The following IL34 variants were observed in gnomAD, a reference collection of about 807,000 sequenced individuals.
IL34 encodes interleukin 34.
A neutral mutation model predicts 25.3 loss-of-function variants in IL34; 17 were observed. That is an observed-to-expected ratio of 0.67 (90% CI 0.46 to 1.01). The LOEUF (loss-of-function observed/expected upper bound fraction) is 1.01. IL34 is among the 50% of genes least tolerant of loss of function. The probability of loss-of-function intolerance (pLI) is 0.00; values close to 1 mark genes in which losing one functional copy is unlikely to be tolerated. For missense variants in IL34, 368 were observed against 312.9 expected (o/e 1.18, Z -1.33); for synonymous variants, 174 against 140.9 (o/e 1.23, Z -1.66).
intron 1 of IL34, among the ~76,000 whole-genome samples, chr16:70,612,272 T>C (rs1286540413): frequency 6.7e-6 from 1 of 149,968 alleles, no homozygotes; most frequent in Non-Finnish European, 1.5e-5. Flanking sequence ...TAGCAAGTTA[T>C]TGGCAGAGCC....
At chr16:70,651,658 A>G (rs1034136060) in intron 1 of IL34, among the ~76,000 whole-genome samples, 7 of 152,060 alleles carry the variant, frequency 4.6e-5, no homozygotes, top group African/African-American at 1.7e-4. Flanking sequence ...CTGCAAGGAC[A>G]AAGTCTTCCA....
chr16:70,631,537 G>A (rs2051517920), intron 1 of IL34, among the ~76,000 whole-genome samples: 1 of 152,052 alleles, frequency 6.6e-6, no homozygotes, highest in Non-Finnish European at 1.5e-5. Context: ...ACTCAGCTTT[G>A]TTTATATAAT....
chr16:70,659,478 A>T, intron 4 of IL34, 140 bp from the exon 5 acceptor site: 1 of 1,076,096 alleles, frequency 9.3e-7, no homozygotes, highest in South Asian at 1.9e-5. Flanking sequence ...GGTGAGAAAT[A>T]GCTATCCAGG....
chr16:70,621,711 T>C (rs2051286619), intron 1 of IL34, among the ~76,000 whole-genome samples: 1 of 151,410 alleles, frequency 6.6e-6, no homozygotes, highest in African/African-American at 2.4e-5. Context: ...GAAAAGAGAG[T>C]CAGTGAAGGG....
At chr16:70,657,486 T>C (rs2052262363) in intron 4 of IL34, 1 of 200,792 alleles carries the variant, frequency 5.0e-6, no homozygotes, top group African/African-American at 2.3e-5. Context: ...GCACAGGGAA[T>C]GTTTAGGGCA....
At chr16:70,593,768 C>T (rs1405909773) in intron 1 of IL34, among the ~76,000 whole-genome samples, 3 of 152,122 alleles carry the variant, frequency 2.0e-5, no homozygotes, top group African/African-American at 7.2e-5. Context: ...CTCAAGCAAT[C>T]CTCCTGCTTT....
chr16:70,646,592 A>C lies in IL34; in HGVS notation c.-356A>C. ...CAGCTGCAGTCGGAGAAATCAGAGA[A>C]AGCGTCACCCAGCCCCAGATTCCGA... On this transcript the variant is annotated 5_prime_UTR_variant, in exon 1 of 6. Coordinates refer to ENST00000288098, the MANE Select transcript of IL34 (RefSeq NM_001393494.1). The C allele has an allele frequency of 3.1e-6, 1 of 320,856 alleles. No homozygotes were observed. The highest frequency in any genetic ancestry group is 5.7e-6 in the Non-Finnish European group (1 of 176,758). The allele number at this position is 320,856 out of a possible 1,614,324, so 19.9% of individuals were successfully genotyped here. A position where few individuals can be genotyped will look rare whatever the true frequency, so the allele number is the denominator to read the frequency against.
At chr16:70,610,385 C>G (rs1280260605) in intron 1 of IL34, among the ~76,000 whole-genome samples, 2 of 152,116 alleles carry the variant, frequency 1.3e-5, no homozygotes, top group African/African-American at 4.8e-5. Flanking sequence ...TGACCCAGTT[C>G]TCCTTCTCTG....
rs550608624 is a variant in IL34, at chr16:70,660,127, G to T, written c.669G>T (p.Pro223=). The change falls in exon 6 of 6, where the codon CCG becomes CCT. Residue 223 remains proline (P), a synonymous_variant. Coordinates refer to ENST00000288098, the MANE Select transcript of IL34 (RefSeq NM_001393494.1). ...CGCCCCCGTGGTCCCCCAGCTCCCCGCCTCACTCCACGGGCTCGGTGAGGC... is the reference window on the plus strand; with the variant it reads ...CGCCCCCGTGGTCCCCCAGCTCCCCTCCTCACTCCACGGGCTCGGTGAGGC... ...YPPPPWSPSS[P]PHSTGSVRPV... is the part of the protein sequence containing the mutation. The T allele has an allele frequency of 1.9e-6, 3 of 1,612,418 alleles. No homozygotes were observed. The highest frequency in any genetic ancestry group is 1.7e-5 in the Admixed American group (1 of 59,776).
Position 70,657,012 on chromosome 16 carries a change from G to T in IL34, c.293G>T (p.Ser98Ile). 6.2e-7 allele frequency: 1 copy of T among 1,612,440 alleles called. No individual in the cohort carries two copies. Among genetic ancestry groups the T allele is most frequent in the South Asian group, 1.1e-5 (1 of 90,988 alleles). The part of the protein sequence containing the change: ...RELRYLWVLV[S>I]LSATESVQDV... ...CTGCGGTATCTGTGGGTCTTGGTGA[G>T]CCTCAGTGCCACTGAGTCGGTGCAG... is the stretch of plus-strand genomic sequence containing the variant. The change falls in exon 4 of 6, where the codon AGC becomes ATC. Residue 98 changes from serine to isoleucine, a missense_variant. Transcript: ENST00000288098.
intron 1 of IL34, among the ~76,000 whole-genome samples, chr16:70,637,113 G>A (rs981900784): frequency 2.0e-5 from 3 of 152,064 alleles, no homozygotes; most frequent in Admixed American, 6.5e-5. Context: ...GCCTGCCTCG[G>A]CCTCTCAAAG....
chr16:70,620,873 AAC>A (rs1006159420), intron 1 of IL34, among the ~76,000 whole-genome samples: 1 of 152,004 alleles, frequency 6.6e-6, no homozygotes, highest in African/African-American at 2.4e-5. Context: ...AGTTTTTGAG[AAC>A]ACAGGCTAAG....
intron 1 of IL34, among the ~76,000 whole-genome samples, chr16:70,600,527 G>T (rs931059911): frequency 2.6e-5 from 4 of 152,118 alleles, no homozygotes; most frequent in Admixed American, 1.3e-4. Flanking sequence ...TGCACAGTGG[G>T]GCTCTTAGTC....
chr16:70,638,829 G>C (rs2051716163), intron 1 of IL34, among the ~76,000 whole-genome samples: 1 of 152,134 alleles, frequency 6.6e-6, no homozygotes, highest in Non-Finnish European at 1.5e-5. Flanking sequence ...CGATCCTCTT[G>C]CCTCAGCCTC....
Position 70,654,615 on chromosome 16 carries a change from A to G in IL34, c.106A>G (p.Thr36Ala), listed in dbSNP as rs771890052. 12 of 1,613,416 alleles carry G rather than the reference A, an allele frequency of 7.4e-6. No homozygotes were observed. The Admixed American group carries it at 2.0e-4, about 27-fold the overall frequency. Residue 36 changes from threonine (T) to alanine (A), a missense_variant, in exon 2 of 6, where the codon ACT (threonine) becomes GCT (alanine). Coordinates refer to ENST00000288098, the MANE Select transcript of IL34 (RefSeq NM_001393494.1). ...MWPLTQNEECTVTGFLRDKLQ... is the reference protein window; with the variant it reads ...MWPLTQNEECAVTGFLRDKLQ... ...GCCCTTGACGCAGAATGAGGAGTGC[A>G]CTGTCACGGGTTTTCTGCGGGACAA...
intron 1 of IL34, among the ~76,000 whole-genome samples, chr16:70,629,041 C>T (rs1043573290): frequency 5.3e-5 from 8 of 152,134 alleles, no homozygotes; most frequent in Admixed American, 4.6e-4. Flanking sequence ...CCTCCCAAAG[C>T]ACTGAGATTA....
chr16:70,633,161 C>G (rs562975369), intron 1 of IL34, among the ~76,000 whole-genome samples: 2 of 150,574 alleles, frequency 1.3e-5, no homozygotes, highest in African/African-American at 4.9e-5. Context: ...GACAGGGTTT[C>G]GCCATGTTGC....
At chr16:70,620,390 G>A (rs1002053574) in intron 1 of IL34, among the ~76,000 whole-genome samples, 1 of 152,104 alleles carries the variant, frequency 6.6e-6, no homozygotes, top group Non-Finnish European at 1.5e-5. Context: ...GGGCAGGTGG[G>A]GGAGGGCTAG....
At chr16:70,601,489 A>G (rs1290385337) in intron 1 of IL34, among the ~76,000 whole-genome samples, 1 of 151,994 alleles carries the variant, frequency 6.6e-6, no homozygotes, top group Non-Finnish European at 1.5e-5. Flanking sequence ...TCAGCTCAGT[A>G]CAACCTCTGC....
Sources: gnomAD v4.1 joint callset for allele counts (sites outside exome capture counted in the v4.1 genomes callset) on GRCh38, gnomAD v4.1.1 for gene constraint, MANE v1.5 for transcripts, NCBI Gene and HGNC (gene_info 2026-07-23, HGNC 2026-07-21) for gene names.